TRHDE: variants seen among roughly 807,000 people sequenced by gnomAD.
The protein encoded by TRHDE is thyrotropin releasing hormone degrading enzyme.
A neutral mutation model predicts 125.7 loss-of-function variants in TRHDE; 72 were observed. The ratio of observed to expected loss-of-function variants is 0.57; its 90% CI spans 0.47 to 0.70. TRHDE has a LOEUF of 0.70. Among genes scored for constraint, TRHDE ranks in the 30% least tolerant of loss-of-function variants. TRHDE has a pLI of 0.00. For synonymous variants in TRHDE, 509 were observed against 509.1 expected, an observed-to-expected ratio of 1.00 and a Z score of 0.00; for missense variants, 1,110 against 1,327.1, an observed-to-expected ratio of 0.84 and a Z score of 2.54.
intron 3 of TRHDE, among the ~76,000 whole-genome samples, chr12:72,404,256 A>T (rs1246059597): frequency 6.6e-6 from 1 of 152,110 alleles, no homozygotes; most frequent in Non-Finnish European, 1.5e-5. Context: ...TCTACTAAAA[A>T]CACAGAGAAA....
intron 2 of TRHDE, among the ~76,000 whole-genome samples, chr12:72,313,108 T>C (rs776093366): frequency 3.9e-5 from 6 of 152,140 alleles, no homozygotes; most frequent in Non-Finnish European, 7.4e-5. Flanking sequence ...ATGATTTCAT[T>C]ATTGTGGGCA....
chr12:72,622,592 C>T (rs1236803413), intron 15 of TRHDE, among the ~76,000 whole-genome samples: 1 of 151,940 alleles, frequency 6.6e-6, no homozygotes, highest in Non-Finnish European at 1.5e-5. Context: ...TGTGCAACAG[C>T]GGGGTTGTTC....
At chr12:72,320,380 G>A (rs940833481) in intron 2 of TRHDE, among the ~76,000 whole-genome samples, 5 of 152,206 alleles carry the variant, frequency 3.3e-5, no homozygotes, top group African/African-American at 9.6e-5. Flanking sequence ...TAATGTAAAT[G>A]TTATATAAAT....
intron 3 of TRHDE, among the ~76,000 whole-genome samples, chr12:72,447,778 A>G (rs558283791): frequency 1.3e-5 from 2 of 152,160 alleles, no homozygotes; most frequent in South Asian, 4.1e-4. Flanking sequence ...CCTCAGAGAG[A>G]ATTGATCTGG....
At chr12:72,373,928 C>A (rs562172499) in intron 2 of TRHDE, among the ~76,000 whole-genome samples, 2 of 152,236 alleles carry the variant, frequency 1.3e-5, no homozygotes, top group South Asian at 2.1e-4. Flanking sequence ...GGAGAAGCCA[C>A]TGAAGGAGGA....
At chr12:72,600,124 C>G (rs1051996048) in intron 12 of TRHDE, among the ~76,000 whole-genome samples, 2 of 151,890 alleles carry the variant, frequency 1.3e-5, no homozygotes, top group African/African-American at 4.8e-5. Context: ...GTACCATTAC[C>G]ATGGTGTTTT....
intron 12 of TRHDE, among the ~76,000 whole-genome samples, chr12:72,586,793 GAA>G (rs59849205): frequency 0.34 from 37,263 of 110,836 alleles, 7,300 homozygotes; most frequent in East Asian, 0.58. Context: ...TAACCAAAAT[GAA>G]AAAAAAAAAA....
At chr12:72,535,202 A>G (rs764905472) in intron 6 of TRHDE, among the ~76,000 whole-genome samples, 1 of 152,156 alleles carries the variant, frequency 6.6e-6, no homozygotes, top group Admixed American at 6.6e-5. Flanking sequence ...TATTAAAGGT[A>G]GTAATATAGT....
chr12:72,234,853 T>G (rs1168735105), intron 2 of TRHDE, among the ~76,000 whole-genome samples: 1 of 152,176 alleles, frequency 6.6e-6, no homozygotes, highest in Non-Finnish European at 1.5e-5. Context: ...TTCCTAAAAT[T>G]TTTTGAGCAA....
chr12:72,228,372 C>G (rs1878179091), intron 2 of TRHDE, among the ~76,000 whole-genome samples: 1 of 152,160 alleles, frequency 6.6e-6, no homozygotes, highest in African/African-American at 2.4e-5. Context: ...ATGTCTTGGG[C>G]TGGATGTTGG....
At chr12:72,377,955 C>T (rs1871969280) in intron 2 of TRHDE, 40 bp from the exon 3 acceptor site, 2 of 1,434,288 alleles carry the variant, frequency 1.4e-6, no homozygotes, top group South Asian at 1.4e-5. Flanking sequence ...AACTCAAGTG[C>T]TAAAAGGCTA....
chr12:72,362,229 T>G (rs1871129868), intron 2 of TRHDE, among the ~76,000 whole-genome samples: 1 of 146,754 alleles, frequency 6.8e-6, no homozygotes, highest in Non-Finnish European at 1.5e-5. Flanking sequence ...CACCTGTTGT[T>G]TCCTGACTTT....
chr12:72,309,218 A>T (rs552693227), intron 2 of TRHDE, among the ~76,000 whole-genome samples: 15 of 152,262 alleles, frequency 9.9e-5, no homozygotes, highest in African/African-American at 3.1e-4. Context: ...TAGAAGGCAG[A>T]TGGTATTTGT....
intron 2 of TRHDE, among the ~76,000 whole-genome samples, chr12:72,180,078 G>A (rs1877065816): frequency 6.6e-6 from 1 of 151,732 alleles, no homozygotes; most frequent in South Asian, 2.1e-4. Flanking sequence ...ATTAATTGAT[G>A]CAGCTTAATT....
intron 5 of TRHDE, among the ~76,000 whole-genome samples, chr12:72,479,799 C>G (rs1390391247): frequency 6.7e-6 from 1 of 149,810 alleles, no homozygotes; most frequent in East Asian, 2.0e-4. Flanking sequence ...TCTCCTAATG[C>G]TATCCCTCCC....
At chr12:72,412,253 A>G (rs1450627294) in intron 3 of TRHDE, among the ~76,000 whole-genome samples, 1 of 152,192 alleles carries the variant, frequency 6.6e-6, no homozygotes, top group African/African-American at 2.4e-5. Flanking sequence ...TCCAGGACTT[A>G]TAAAGACATA....
In TRHDE at chr12:72,111,801, C is replaced by T. The variant is rs556321451; in HGVS notation, n.279+6049C>T. On this transcript the variant is annotated intron_variant and non_coding_transcript_variant, in intron 2 of 4. Transcript: ENST00000548156. ...GAAATAATAATGTTTAGCACTTAGC[C>T]GGCATCTTTCATTCAGATGGGTCCC... is the stretch of plus-strand genomic sequence containing the variant. 2.6e-4 allele frequency among the ~76,000 whole-genome samples: 39 copies of T among 152,168 alleles called. No individual in the cohort carries two copies. The South Asian group carries it at 2.9e-3, about 11-fold the overall frequency.
chr12:72,510,227 A>G (rs1878528417), intron 6 of TRHDE, among the ~76,000 whole-genome samples: 1 of 152,222 alleles, frequency 6.6e-6, no homozygotes. Context: ...CGAATCAGTT[A>G]CATATATACT....
rs1869817148 is a variant in TRHDE at position 72,554,242 on chromosome 12, C to A, written c.1789-7923C>A. 3.3e-5 allele frequency among the ~76,000 whole-genome samples: 5 copies of A among 152,062 alleles called. No individual in the cohort carries two copies. In the South Asian group the frequency reaches 1.0e-3, roughly 32 times the overall value. On this transcript the variant is annotated intron_variant, in intron 7 of 18. Transcript: ENST00000261180. ...ACTTTTGACACCAGCCCTTTTTTTC[C>A]CATTTATCTTGCTATTAAAATAACT...
Sources: allele counts gnomAD v4.1 joint callset (sites outside exome capture counted in the v4.1 genomes callset), GRCh38; gene constraint gnomAD v4.1.1; transcripts MANE v1.5; gene names NCBI Gene and HGNC (gene_info 2026-07-23, HGNC 2026-07-21).